Variants in R3HDM1 observed in about 807,000 individuals in gnomAD.
The protein encoded by R3HDM1 is R3H domain-containing protein 1.
Under a neutral mutation model 141.1 loss-of-function variants are expected in R3HDM1, and 46 were observed. The observed-to-expected ratio is 0.33, with a 90% confidence interval of 0.26 to 0.42. R3HDM1 has a LOEUF of 0.42. R3HDM1 is among the 10% of genes least tolerant of loss of function. R3HDM1 has a pLI of 1.00. For synonymous variants in R3HDM1, 435 were observed against 472.9 expected (o/e 0.92, Z 1.04); for missense variants, 1,184 against 1,368.3 (o/e 0.87, Z 2.12).
intron 18 of R3HDM1, among the ~76,000 whole-genome samples, chr2:135,659,405 T>A (rs2066398495): frequency 6.6e-6 from 1 of 151,846 alleles, no homozygotes; most frequent in South Asian, 2.1e-4. Flanking sequence ...GCCCTGAATC[T>A]GTTTTGCAGT....
chr2:135,603,143 C>A (rs2059756371), intron 2 of R3HDM1, among the ~76,000 whole-genome samples: 1 of 152,022 alleles, frequency 6.6e-6, no homozygotes, highest in African/African-American at 2.4e-5. Context: ...GCACGTGCTA[C>A]CATGCCCAGC....
At chr2:135,676,441 A>G (rs1038890538) in intron 20 of R3HDM1, among the ~76,000 whole-genome samples, 1 of 152,212 alleles carries the variant, frequency 6.6e-6, no homozygotes, top group Non-Finnish European at 1.5e-5. Flanking sequence ...TTTTACCTTT[A>G]TATTTATGGA....
Position 135,724,404 on chromosome 2 carries a change from C to A in R3HDM1, c.*112C>A. ...TATAGAGACTCCTAGGATGTGTGTT[C>A]ATGGCATTATAGCTTTTGAAGAAAG... On this transcript the variant is annotated 3_prime_UTR_variant, in exon 27 of 27. Coordinates refer to ENST00000683871, the MANE Select transcript of R3HDM1 (RefSeq NM_001378107.1). 1.2e-6 allele frequency: 1 copy of A among 815,096 alleles called. No homozygotes were observed. Among genetic ancestry groups the A allele is most frequent in the South Asian group, 2.0e-5 (1 of 50,862 alleles). The allele number at this position is 815,096 out of a possible 1,614,324, so 50.5% of individuals were successfully genotyped here.
intron 21 of R3HDM1, among the ~76,000 whole-genome samples, chr2:135,687,751 G>A (rs547114034): frequency 2.6e-5 from 4 of 152,126 alleles, no homozygotes; most frequent in South Asian, 2.1e-4. Context: ...TTTCTGGCTC[G>A]TCAAACCAAT....
intron 21 of R3HDM1, among the ~76,000 whole-genome samples, chr2:135,689,229 C>A (rs2071913749): frequency 6.6e-6 from 1 of 152,160 alleles, no homozygotes; most frequent in Admixed American, 6.5e-5. Context: ...CCACAAGTAG[C>A]TATAGCCCAG....
intron 1 of R3HDM1, among the ~76,000 whole-genome samples, chr2:135,546,815 G>C (rs1331526968): frequency 2.0e-5 from 3 of 152,076 alleles, no homozygotes; most frequent in East Asian, 3.9e-4. Context: ...AGGATTACAG[G>C]CGTGTGCTAC....
At chr2:135,714,995 G>A (rs2076023023) in intron 23 of R3HDM1, among the ~76,000 whole-genome samples, 1 of 152,210 alleles carries the variant, frequency 6.6e-6, no homozygotes, top group African/African-American at 2.4e-5. Flanking sequence ...AGTTTTGAAA[G>A]TAGGATGTAT....
chr2:135,594,191 A>G (rs947835868), intron 1 of R3HDM1, among the ~76,000 whole-genome samples: 2 of 152,192 alleles, frequency 1.3e-5, no homozygotes, highest in African/African-American at 4.8e-5. Context: ...TTTTGCTTTC[A>G]TTTAAACTAG....
At chr2:135,565,628 A>C (rs1478739118) in intron 1 of R3HDM1, 8 of 151,768 alleles carry the variant, frequency 5.3e-5, no homozygotes, top group Admixed American at 5.3e-4. Flanking sequence ...TTTCTTCTTT[A>C]CTTGCAAAAT....
intron 1 of R3HDM1, among the ~76,000 whole-genome samples, chr2:135,569,727 TTG>T (rs1348806403): frequency 2.1e-5 from 3 of 145,288 alleles, no homozygotes; most frequent in African/African-American, 5.5e-5. Flanking sequence ...TCTTTTTTTT[TTG>T]TTGTTGTTTT....
At chr2:135,536,742 A>C (rs1696212720) in intron 1 of R3HDM1, 8 of 979,310 alleles carry the variant, frequency 8.2e-6, no homozygotes, top group Non-Finnish European at 9.7e-6. Context: ...TATAAGGCAG[A>C]GGTCCCCAAC....
At chr2:135,642,460 CTG>C (rs1250052483) in intron 15 of R3HDM1, among the ~76,000 whole-genome samples, 1 of 152,108 alleles carries the variant, frequency 6.6e-6, no homozygotes, top group Non-Finnish European at 1.5e-5. Flanking sequence ...GATAAAGAAA[CTG>C]AACCTCAGAG....
Position 135,724,144 on chromosome 2 carries a change from C to A in R3HDM1, c.3257C>A (p.Ser1086Tyr). ...CGCTCTAAACCCAGTGACTTGGCCT[C>A]CACCTACACCGTCTTAGCCACATTC... ...PERSKPSDLA[S>Y]TYTVLATFPS... is the part of the protein sequence containing the mutation. Residue 1086 changes from serine (S) to tyrosine (Y), a missense_variant, in exon 27 of 27, where the codon TCC becomes TAC. Ser to Tyr is a moderately radical substitution (Grantham distance 144). Transcript: ENST00000683871. 6.2e-7 allele frequency: 1 copy of A among 1,613,844 alleles called. No homozygotes were observed. The highest frequency in any genetic ancestry group is 8.5e-7 in the Non-Finnish European group (1 of 1,179,892).
chr2:135,585,199 T>C (rs1707607699), intron 1 of R3HDM1, among the ~76,000 whole-genome samples: 1 of 152,222 alleles, frequency 6.6e-6, no homozygotes, highest in Admixed American at 6.5e-5. Context: ...TGTGGATTTC[T>C]ATGTATTTTT....
intron 21 of R3HDM1, among the ~76,000 whole-genome samples, chr2:135,692,503 A>G: frequency 6.6e-6 from 1 of 152,134 alleles, no homozygotes; most frequent in East Asian, 1.9e-4. Context: ...GAAGCAGGAG[A>G]ATCGCTTGAA....
At chr2:135,595,744 A>G (rs1425828409) in intron 1 of R3HDM1, among the ~76,000 whole-genome samples, 4 of 152,154 alleles carry the variant, frequency 2.6e-5, no homozygotes, top group Admixed American at 6.5e-5. Context: ...ATGTATCCCT[A>G]TTACCTAGAA....
intron 21 of R3HDM1, among the ~76,000 whole-genome samples, chr2:135,691,772 A>G (rs2072424818): frequency 6.6e-6 from 1 of 152,044 alleles, no homozygotes; most frequent in African/African-American, 2.4e-5. Flanking sequence ...CAGCCTGGGC[A>G]ACAAAACAAG....
At chr2:135,538,550 T>C (rs1423617097) in intron 1 of R3HDM1, among the ~76,000 whole-genome samples, 1 of 152,244 alleles carries the variant, frequency 6.6e-6, no homozygotes, top group Non-Finnish European at 1.5e-5. Context: ...ATTATAGCTG[T>C]ACAAAAATAT....
intron 21 of R3HDM1, among the ~76,000 whole-genome samples, chr2:135,707,050 G>T (rs1014712087): frequency 6.6e-6 from 1 of 152,128 alleles, no homozygotes; most frequent in Non-Finnish European, 1.5e-5. Context: ...CTGGCTGGGC[G>T]GGGGGCTGGC....
Sources: gnomAD v4.1 joint callset for allele counts (sites outside exome capture counted in the v4.1 genomes callset) on GRCh38, gnomAD v4.1.1 for gene constraint, MANE v1.5 for transcripts, NCBI Gene and HGNC (gene_info 2026-07-23, HGNC 2026-07-21) for gene names.